Variants in GSTA1 observed in about 807,000 individuals in gnomAD.
GSTA1 encodes glutathione S-transferase alpha 1, also known as glutathione S-transferase A1.
Under a neutral mutation model 21.5 loss-of-function variants are expected in GSTA1, and 23 were observed. The ratio of observed to expected loss-of-function variants is 1.07; its 90% CI spans 0.77 to 1.52. The LOEUF (loss-of-function observed/expected upper bound fraction) is 1.52. Among genes scored for constraint, GSTA1 ranks in the 40% most tolerant of loss-of-function variants. The probability of loss-of-function intolerance (pLI) is 0.00; values close to 1 mark genes in which losing one functional copy is unlikely to be tolerated. For synonymous variants in GSTA1, 125 were observed against 90.0 expected (o/e 1.39, Z -2.20); for missense variants, 301 against 264.2 (o/e 1.14, Z -0.96).
At chr6:52,794,069 A>G (rs1763518561) in intron 5 of GSTA1, 56 bp downstream of exon 5, 8 of 1,607,910 alleles carry the variant, frequency 5.0e-6, no homozygotes, top group East Asian at 2.2e-5. Flanking sequence ...CCCAGCCACT[A>G]TTTTTCTATT....
rs568708426 is a variant in GSTA1 at position 52,799,317 on chromosome 6, A to G, written c.-30-20T>C. 6.9e-7 allele frequency: 1 copy of G among 1,452,876 alleles called. No individual in the cohort carries two copies. Among genetic ancestry groups the G allele is most frequent in the South Asian group, 1.2e-5 (1 of 83,510 alleles). 90.0% of individuals were successfully genotyped at this position (1,452,876 alleles called of 1,614,324 possible). A position where few individuals can be genotyped will look rare whatever the true frequency, so the allele number is the denominator to read the frequency against. On this transcript the variant is annotated intron_variant, in intron 1 of 6. Transcript: ENST00000334575. Reference sequence around the variant, plus strand: ...CTAAGCCTGAATGAATGAATGAATGAATGAATAATTGAAACGATAGAATCA... The same window carrying G: ...CTAAGCCTGAATGAATGAATGAATGGATGAATAATTGAAACGATAGAATCA...
chr6:52,791,771 C>T lies in GSTA1; in HGVS notation c.*87G>A. 6.7e-7 allele frequency: 1 copy of T among 1,484,002 alleles called. No homozygotes were observed. The highest frequency in any genetic ancestry group is 9.3e-7 in the Non-Finnish European group (1 of 1,073,460). The allele number at this position is 1,484,002 out of a possible 1,614,324, so 91.9% of individuals were successfully genotyped here. On this transcript the variant is annotated 3_prime_UTR_variant, in exon 7 of 7. Coordinates refer to ENST00000334575, the MANE Select transcript of GSTA1 (RefSeq NM_145740.5). ...AAGAGTTCATTAGCTTCACAACAGG[C>T]ACAATCAACACTTAGGTAAAGTACT...
At chr6:52,793,682 C>A (rs1407950706) in intron 5 of GSTA1, among the ~76,000 whole-genome samples, 4 of 152,092 alleles carry the variant, frequency 2.6e-5, no homozygotes, top group African/African-American at 9.7e-5. Flanking sequence ...TAAAAAATAC[C>A]CATCCCTGAA....
At chr6:52,799,689 G>A (rs192214394) in intron 1 of GSTA1, among the ~76,000 whole-genome samples, 40 of 152,236 alleles carry the variant, frequency 2.6e-4, no homozygotes, top group South Asian at 6.2e-4. Context: ...TTATAGTCCC[G>A]TGAAATGATT....
At chr6:52,792,208 CTCTA>C (rs1279464021) in intron 6 of GSTA1, among the ~76,000 whole-genome samples, 1 of 152,180 alleles carries the variant, frequency 6.6e-6, no homozygotes, top group Non-Finnish European at 1.5e-5. Context: ...GTTCAGTCAT[CTCTA>C]TCTTTCTCCT....
Position 52,791,848 on chromosome 6 carries a change from G to T in GSTA1, c.*10C>A, listed in dbSNP as rs1763464966. Reference sequence around the variant, plus strand: ...GGTATTGCAAGTTCTTGGCCTCCATGACTGCGTTATTAAAACCTGAAAATC... The same window carrying T: ...GGTATTGCAAGTTCTTGGCCTCCATTACTGCGTTATTAAAACCTGAAAATC... On this transcript the variant is annotated 3_prime_UTR_variant, in exon 7 of 7. Coordinates refer to ENST00000334575, the MANE Select transcript of GSTA1 (RefSeq NM_145740.5). 1.2e-6 allele frequency: 2 copies of T among 1,613,968 alleles called. No homozygotes were observed. Among genetic ancestry groups the T allele is most frequent in the South Asian group, 2.2e-5 (2 of 91,040 alleles).
chr6:52,798,103 G>A (rs558829151), intron 2 of GSTA1, among the ~76,000 whole-genome samples: 2 of 152,188 alleles, frequency 1.3e-5, no homozygotes, highest in Admixed American at 6.5e-5. Context: ...CACTTCTCAG[G>A]AACCCTGCTA....
At chr6:52,798,701 A>G (rs958404734) in intron 2 of GSTA1, among the ~76,000 whole-genome samples, 1 of 140,012 alleles carries the variant, frequency 7.1e-6, no homozygotes, top group African/African-American at 2.7e-5. Flanking sequence ...TTTCATCTAT[A>G]TGCCCACCTA....
intron 6 of GSTA1, 77 bp from the exon 7 acceptor site, chr6:52,792,057 C>T (rs191196299): frequency 2.1e-5 from 33 of 1,592,340 alleles, no homozygotes; most frequent in African/African-American, 1.6e-4. Context: ...GGAATCTGAG[C>T]CCCTCCTGCA....
Position 52,797,961 on chromosome 6 carries a change from T to G in GSTA1, c.88-324A>C, listed in dbSNP as rs4147613. ...TTCTTCTAGTTATGGTGTTGTCATA[T>G]CTTAGGAAAGCCTGTGTCTCCAAGT... is the stretch of plus-strand genomic sequence containing the variant. On this transcript the variant is annotated intron_variant, in intron 2 of 6. Transcript: ENST00000334575. Among the ~76,000 whole-genome samples, 94 of 152,304 alleles carry G rather than the reference T, an allele frequency of 6.2e-4. No individual in the cohort carries two copies. In the South Asian group the frequency reaches 0.012, roughly 19 times the overall value.
intron 6 of GSTA1, 96 bp downstream of exon 6, chr6:52,792,760 A>G: frequency 6.2e-7 from 1 of 1,610,998 alleles, no homozygotes. Flanking sequence ...AGGCCTGGAG[A>G]AGACTGGGGC....
At chr6:52,800,694 T>C (rs1581799001) in intron 1 of GSTA1, among the ~76,000 whole-genome samples, 1 of 152,094 alleles carries the variant, frequency 6.6e-6, no homozygotes, top group Admixed American at 6.5e-5. Flanking sequence ...AATTGTATCA[T>C]GAATGTGAAT....
chr6:52,792,186 A>C (rs1763474806), intron 6 of GSTA1, among the ~76,000 whole-genome samples: 1 of 152,210 alleles, frequency 6.6e-6, no homozygotes, highest in African/African-American at 2.4e-5. Context: ...AGATGTCTTG[A>C]AGTTTTAATC....
chr6:52,801,096 G>A (rs1378819364), intron 1 of GSTA1, among the ~76,000 whole-genome samples: 1 of 152,094 alleles, frequency 6.6e-6, no homozygotes, highest in Non-Finnish European at 1.5e-5. Context: ...GGACAGTCTG[G>A]TCTGGAACGC....
intron 1 of GSTA1, among the ~76,000 whole-genome samples, chr6:52,802,773 G>C (rs1319068964): frequency 6.6e-6 from 1 of 151,864 alleles, no homozygotes; most frequent in Non-Finnish European, 1.5e-5. Context: ...TCTATATTTT[G>C]TTCATAGAAC....
In GSTA1 at chr6:52,791,830, C is replaced by T; in HGVS notation, c.*28G>A. 3 of 1,613,436 alleles carry T rather than the reference C, an allele frequency of 1.9e-6. No homozygotes were observed. Among genetic ancestry groups the T allele is most frequent in the Non-Finnish European group, 2.5e-6 (3 of 1,179,682 alleles). ...GCAAAACTTTAGAACATTGGTATTGCAAGTTCTTGGCCTCCATGACTGCGT... is the reference window on the plus strand; with the variant it reads ...GCAAAACTTTAGAACATTGGTATTGTAAGTTCTTGGCCTCCATGACTGCGT... On this transcript the variant is annotated 3_prime_UTR_variant, in exon 7 of 7. Coordinates refer to ENST00000334575, the MANE Select transcript of GSTA1 (RefSeq NM_145740.5).
chr6:52,792,256 A>G (rs1763476291), intron 6 of GSTA1, among the ~76,000 whole-genome samples: 1 of 152,252 alleles, frequency 6.6e-6, no homozygotes, highest in African/African-American at 2.4e-5. Flanking sequence ...TGACTCTTGT[A>G]TAAGACAAGA....
chr6:52,794,508 A>T lies in GSTA1; in HGVS notation c.273-242T>A, dbSNP rs189363973. Among the ~76,000 whole-genome samples the T allele has an allele frequency of 1.1e-4, 17 of 152,342 alleles. No individual in the cohort carries two copies. In the East Asian group the frequency reaches 3.3e-3, roughly 29 times the overall value. On this transcript the variant is annotated intron_variant, in intron 4 of 6. Transcript: ENST00000334575. Reference sequence around the variant, plus strand: ...ACATGACCTAATACAGGTAAAAAGAACGTCGGTGGTCACAGTCATGAGAGA... The same window carrying T: ...ACATGACCTAATACAGGTAAAAAGATCGTCGGTGGTCACAGTCATGAGAGA...
chr6:52,794,375 C>T (rs1763529672), intron 4 of GSTA1, 109 bp from the exon 5 acceptor site: 3 of 1,021,062 alleles, frequency 2.9e-6, no homozygotes, highest in Admixed American at 4.7e-5. Flanking sequence ...TAATTCACCT[C>T]CAGTGGGTGC....
Sources: allele counts gnomAD v4.1 joint callset (sites outside exome capture counted in the v4.1 genomes callset), GRCh38; gene constraint gnomAD v4.1.1; transcripts MANE v1.5; gene names NCBI Gene and HGNC (gene_info 2026-07-23, HGNC 2026-07-21).